The following MEIG1 variants were observed in gnomAD, a reference collection of about 807,000 sequenced individuals.
MEIG1 encodes the protein meiosis/spermiogenesis associated 1.
Under a neutral mutation model 11.3 loss-of-function variants are expected in MEIG1, and 12 were observed. The observed-to-expected ratio is 1.07, with a 90% CI of 0.68 to 1.73. The LOEUF (loss-of-function observed/expected upper bound fraction) is 1.73. MEIG1 is among the 40% of genes most tolerant of loss of function. MEIG1 has a pLI of 0.00. For synonymous variants in MEIG1, 41 were observed against 33.2 expected (o/e 1.24, Z -0.81); for missense variants, 119 against 104.9 (o/e 1.13, Z -0.59).
chr10:14,954,248 C>G, the MEIG1 span: 1 of 631,446 alleles, frequency 1.6e-6, no homozygotes, highest in South Asian at 1.8e-5. Flanking sequence ...GCGATGGGCC[C>G]TGAGCCCTGC....
At chr10:14,956,110 G>A (rs946281424), upstream of MEIG1, among the ~76,000 whole-genome samples, 10 of 152,218 alleles carry the variant, frequency 6.6e-5, no homozygotes, top group Admixed American at 5.9e-4. Context: ...GGGAAATAGA[G>A]TCAGGACAAA....
chr10:14,956,466 C>A (rs963239064), upstream of MEIG1, among the ~76,000 whole-genome samples: 4 of 152,050 alleles, frequency 2.6e-5, no homozygotes, highest in Non-Finnish European at 5.9e-5. Context: ...CCTGTAATCC[C>A]AGCTACTCAG....
chr10:14,964,262 C>CT (rs1045930626), intron 1 of MEIG1, among the ~76,000 whole-genome samples: 1 of 151,940 alleles, frequency 6.6e-6, no homozygotes, highest in African/African-American at 2.4e-5. Flanking sequence ...TCTTCATTAT[C>CT]TTTTTTTACC....
intron 2 of MEIG1, among the ~76,000 whole-genome samples, chr10:14,967,126 G>T (rs1022334561): frequency 2.6e-5 from 4 of 151,896 alleles, no homozygotes; most frequent in Non-Finnish European, 5.9e-5. Flanking sequence ...GGCACATTCA[G>T]AATTTTCTCT....
At chr10:14,961,835 C>T (rs1287840080) in intron 1 of MEIG1, among the ~76,000 whole-genome samples, 2 of 150,908 alleles carry the variant, frequency 1.3e-5, no homozygotes, top group Admixed American at 6.6e-5. Flanking sequence ...GAGGCAGGGT[C>T]TCATTCTTGT....
chr10:14,969,107 A>G (rs971035227), intron 2 of MEIG1, among the ~76,000 whole-genome samples: 3 of 152,092 alleles, frequency 2.0e-5, no homozygotes, highest in African/African-American at 7.2e-5. Context: ...AATAAGTTTC[A>G]TACCCTGCCT....
chr10:14,972,762 A>T lies in MEIG1; in HGVS notation c.*121A>T. The T allele has an allele frequency of 2.0e-6, 2 of 991,282 alleles. No individual in the cohort carries two copies. The highest frequency in any genetic ancestry group is 2.9e-6 in the Non-Finnish European group (2 of 694,494). 61.4% of individuals were successfully genotyped at this position (991,282 alleles called of 1,614,324 possible). A position where few individuals can be genotyped will look rare whatever the true frequency, so the allele number is the denominator to read the frequency against. ...CAGTCTGCAGTTTAATGTTTTGTGA[A>T]ACACAAAAGCCATGAGAATTGGTAT... is the stretch of plus-strand genomic sequence containing the variant. On this transcript the variant is annotated 3_prime_UTR_variant, in exon 3 of 3. Coordinates refer to ENST00000407572, the MANE Select transcript of MEIG1 (RefSeq NM_001080836.3).
At chr10:14,979,518 G>A (rs932492542) in intron 1 of MEIG1, among the ~76,000 whole-genome samples, 3 of 151,702 alleles carry the variant, frequency 2.0e-5, no homozygotes, top group Non-Finnish European at 4.4e-5. Context: ...TACTCCCAAC[G>A]TCACAGGGGT....
intron 1 of MEIG1, among the ~76,000 whole-genome samples, chr10:14,964,345 C>G (rs1204259967): frequency 6.6e-6 from 1 of 151,808 alleles, no homozygotes; most frequent in Non-Finnish European, 1.5e-5. Flanking sequence ...GCAAGTCTGT[C>G]TATTTTATTT....
chr10:14,962,071 G>A (rs1589203773), intron 1 of MEIG1, among the ~76,000 whole-genome samples: 1 of 152,272 alleles, frequency 6.6e-6, no homozygotes, highest in East Asian at 1.9e-4. Flanking sequence ...AGAAAGAGCT[G>A]GGATTACAGG....
chr10:14,966,382 G>A (rs1843084229), intron 1 of MEIG1, 58 bp from the exon 2 acceptor site: 10 of 1,292,882 alleles, frequency 7.7e-6, no homozygotes, highest in Non-Finnish European at 1.0e-6. Flanking sequence ...ATTCTTAAAG[G>A]GAATTTCAAA....
chr10:14,957,236 G>A (rs1008358911), upstream of MEIG1, among the ~76,000 whole-genome samples: 2 of 152,116 alleles, frequency 1.3e-5, no homozygotes, highest in African/African-American at 2.4e-5. Context: ...TCATTTGCCA[G>A]TTGAGGATAC....
downstream of MEIG1, among the ~76,000 whole-genome samples, chr10:14,973,612 T>A (rs1843175974): frequency 6.6e-6 from 1 of 151,366 alleles, no homozygotes; most frequent in Non-Finnish European, 1.5e-5. Context: ...TACTAAAAAA[T>A]ACAAAAAATT....
chr10:14,958,889 C>CCG (rs1167844349), upstream of MEIG1, among the ~76,000 whole-genome samples: 1 of 151,774 alleles, frequency 6.6e-6, no homozygotes, highest in East Asian at 1.9e-4. Flanking sequence ...GAGCGAGACT[C>CCG]CGTCTAAAAA....
chr10:14,976,965 C>A (rs1249346143), downstream of MEIG1, among the ~76,000 whole-genome samples: 1 of 151,376 alleles, frequency 6.6e-6, no homozygotes, highest in Non-Finnish European at 1.5e-5. Context: ...CAGGTACATT[C>A]TCTGACATTA....
chr10:14,961,368 G>A (rs7919480), intron 1 of MEIG1, among the ~76,000 whole-genome samples: 85,043 of 151,864 alleles, frequency 0.56, 23,885 homozygotes, highest in South Asian at 0.63. Context: ...CCATCTGTAT[G>A]CATATAAACC....
chr10:14,971,499 C>T (rs1219095636), intron 2 of MEIG1, among the ~76,000 whole-genome samples: 1 of 151,664 alleles, frequency 6.6e-6, no homozygotes, highest in Non-Finnish European at 1.5e-5. Context: ...GCTATGATCA[C>T]AACACCGCAC....
At chr10:14,981,683 G>C (rs1342618342) in intron 1 of MEIG1, among the ~76,000 whole-genome samples, 1 of 152,138 alleles carries the variant, frequency 6.6e-6, no homozygotes, top group Non-Finnish European at 1.5e-5. Flanking sequence ...AGGTTGAGCC[G>C]GGCCCCTTCC....
chr10:14,964,197 T>C (rs941052017), intron 1 of MEIG1, among the ~76,000 whole-genome samples: 18 of 152,186 alleles, frequency 1.2e-4, no homozygotes, highest in African/African-American at 4.3e-4. Flanking sequence ...AGAACATCTT[T>C]CTTGTTTTTC....
Sources: gnomAD v4.1 joint callset for allele counts (sites outside exome capture counted in the v4.1 genomes callset) on GRCh38, gnomAD v4.1.1 for gene constraint, MANE v1.5 for transcripts, NCBI Gene and HGNC (gene_info 2026-07-23, HGNC 2026-07-21) for gene names.